EIF2AK4: variants seen among roughly 807,000 people sequenced by gnomAD.
EIF2AK4 encodes eukaryotic translation initiation factor 2 alpha kinase 4.
Under a neutral mutation model 211.1 loss-of-function variants are expected in EIF2AK4, and 139 were observed. The ratio of observed to expected loss-of-function variants is 0.66; its 90% CI spans 0.57 to 0.76. The LOEUF is 0.76. Among genes scored for constraint, EIF2AK4 ranks in the 30% least tolerant of loss-of-function variants. The pLI is 0.00. For synonymous variants in EIF2AK4, 710 were observed against 751.3 expected, an observed-to-expected ratio of 0.94 and a Z score of 0.90; for missense variants, 1,664 against 2,043.8, an observed-to-expected ratio of 0.81 and a Z score of 3.58.
At chr15:39,943,822 G>C (rs1208824096) in intron 3 of EIF2AK4, among the ~76,000 whole-genome samples, 1 of 152,088 alleles carries the variant, frequency 6.6e-6, no homozygotes, top group Non-Finnish European at 1.5e-5. Flanking sequence ...GGGTGTGGTG[G>C]TGTATGCCTA....
chr15:39,935,918 C>T (rs2034058287), intron 1 of EIF2AK4, among the ~76,000 whole-genome samples: 1 of 152,100 alleles, frequency 6.6e-6, no homozygotes, highest in Non-Finnish European at 1.5e-5. Flanking sequence ...CTTAACATGA[C>T]AGAGAAGTTG....
At chr15:40,025,875 A>T in intron 32 of EIF2AK4, 102 bp from the exon 33 acceptor site, 1 of 1,148,054 alleles carries the variant, frequency 8.7e-7, no homozygotes, top group Non-Finnish European at 1.2e-6. Flanking sequence ...GTTAAGAACC[A>T]CTGACCCAAA....
intron 11 of EIF2AK4, 146 bp from the exon 12 acceptor site, chr15:39,976,268 T>G: frequency 1.2e-6 from 1 of 806,644 alleles, no homozygotes; most frequent in Non-Finnish European, 1.8e-6. Context: ...TTTCTTCAGT[T>G]TAAGAATTTC....
chr15:39,984,003 T>C (rs2034830523), intron 13 of EIF2AK4, among the ~76,000 whole-genome samples: 1 of 152,254 alleles, frequency 6.6e-6, no homozygotes. Flanking sequence ...TTTAAGTCTT[T>C]AATCCATCTT....
At position 40,008,248 on chromosome 15, in the gene EIF2AK4, A is replaced by G. The variant is rs1312917155; in HGVS notation, c.3576+53A>G. ...GATTCCCCACTATATTTCTTCACCA[A>G]GTGTGGTGGGGAAAACCACAGCTAC... is the stretch of plus-strand genomic sequence containing the variant. On this transcript the variant is annotated intron_variant, in intron 25 of 38. Coordinates refer to ENST00000263791, the MANE Select transcript of EIF2AK4 (RefSeq NM_001013703.4). The G allele has an allele frequency of 4.0e-6, 6 of 1,488,732 alleles. No individual in the cohort carries two copies. The African/African-American group carries it at 4.2e-5, about 11-fold the overall frequency. The allele number at this position is 1,488,732 out of a possible 1,614,324, so 92.2% of individuals were successfully genotyped here.
chr15:39,961,454 A>G (rs1395609677), intron 6 of EIF2AK4, among the ~76,000 whole-genome samples: 1 of 152,248 alleles, frequency 6.6e-6, no homozygotes, highest in Non-Finnish European at 1.5e-5. Flanking sequence ...GAGTACTTAA[A>G]TGTGGCTACT....
chr15:39,949,532 T>C (rs1008082102), intron 4 of EIF2AK4, among the ~76,000 whole-genome samples: 7 of 152,136 alleles, frequency 4.6e-5, no homozygotes, highest in Admixed American at 1.3e-4. Context: ...CTGTGGTCTT[T>C]TGGAGCTTGT....
chr15:40,034,321 C>T lies in EIF2AK4; in HGVS notation c.4774-5C>T, dbSNP rs1159391520. 2 of 1,608,224 alleles carry T rather than the reference C, an allele frequency of 1.2e-6. No homozygotes were observed. The highest frequency in any genetic ancestry group is 2.2e-5 in the South Asian group (2 of 90,140). ...GTTGTTAAGTCTTATCTATTTTTTT[C>T]CTAGTGGGATGCTGATGAACAGGCA... On this transcript the variant is annotated splice_region_variant and splice_polypyrimidine_tract_variant and intron_variant, in intron 37 of 38. Coordinates refer to ENST00000263791, the MANE Select transcript of EIF2AK4 (RefSeq NM_001013703.4).
At position 39,987,997 on chromosome 15, in the gene EIF2AK4, G is replaced by A; in HGVS notation, c.2418G>A (p.Glu806=). The change falls in exon 15 of 39, where the codon GAG becomes GAA. Residue 806 remains glutamate, a synonymous_variant. Transcript: ENST00000263791. ...HYLYIQMEYC[E]KSTLRDTIDQ... ...TCTGTATATAGATGGAGTACTGTGAGAAGAGCACTTTACGAGACACCATTG... is the reference window on the plus strand; with the variant it reads ...TCTGTATATAGATGGAGTACTGTGAAAAGAGCACTTTACGAGACACCATTG... The A allele has an allele frequency of 1.2e-6, 2 of 1,614,194 alleles. No homozygotes were observed. Among genetic ancestry groups the A allele is most frequent in the Non-Finnish European group, 8.5e-7 (1 of 1,180,020 alleles).
At position 40,003,275 on chromosome 15, in the gene EIF2AK4, C is replaced by T; in HGVS notation, c.3318C>T (p.Asp1106=). ...YEHNEAALFM[D]HSGMLVMLPF... ...ACAACGAAGCTGCCCTATTCATGGA[C>T]CACAGCGGGATGCTGGTGATGCTTC... Residue 1106 remains aspartate (D), a synonymous_variant, in exon 23 of 39, where the codon GAC becomes GAT. Coordinates refer to ENST00000263791, the MANE Select transcript of EIF2AK4 (RefSeq NM_001013703.4). 1 of 1,614,204 alleles carries T rather than the reference C, an allele frequency of 6.2e-7. No homozygotes were observed. The highest frequency in any genetic ancestry group is 8.5e-7 in the Non-Finnish European group (1 of 1,180,030).
chr15:40,016,447 A>G, intron 27 of EIF2AK4, 55 bp from the exon 28 acceptor site: 1 of 1,608,268 alleles, frequency 6.2e-7, no homozygotes, highest in Middle Eastern at 1.7e-4. Context: ...GTCGGTGCAA[A>G]GGGAGTCTTC....
chr15:39,982,231 T>C (rs528280366), intron 13 of EIF2AK4, among the ~76,000 whole-genome samples: 36 of 152,304 alleles, frequency 2.4e-4, no homozygotes, highest in Admixed American at 7.8e-4. Flanking sequence ...GCCATCACTT[T>C]TAAATTGTTT....
At chr15:40,032,013 A>C (rs963778014) in intron 35 of EIF2AK4, among the ~76,000 whole-genome samples, 156 bp from the exon 36 acceptor site, 1 of 152,256 alleles carries the variant, frequency 6.6e-6, no homozygotes, top group Admixed American at 6.5e-5. Context: ...GGCATGAGCC[A>C]TCGTACCCAG....
chr15:39,954,377 C>T (rs902773707), intron 5 of EIF2AK4, among the ~76,000 whole-genome samples: 9 of 152,170 alleles, frequency 5.9e-5, no homozygotes, highest in South Asian at 2.1e-4. Context: ...CTCAGCCTCC[C>T]GAGTATCTGG....
intron 7 of EIF2AK4, among the ~76,000 whole-genome samples, chr15:39,963,349 C>A (rs1191592063): frequency 6.6e-6 from 1 of 152,172 alleles, no homozygotes; most frequent in Non-Finnish European, 1.5e-5. Flanking sequence ...ATTCTTATTA[C>A]CTTAACTTAG....
intron 18 of EIF2AK4, among the ~76,000 whole-genome samples, chr15:39,993,131 C>CCTGTCCAT (rs1369945496): frequency 6.1e-5 from 9 of 147,364 alleles, no homozygotes; most frequent in Admixed American, 6.1e-4. Context: ...CATCCATCCA[C>CCTGTCCAT]CCACCCATCC....
chr15:39,988,164 T>TA (rs1451821684), intron 15 of EIF2AK4, 59 bp downstream of exon 15: 16 of 1,579,292 alleles, frequency 1.0e-5, no homozygotes, highest in Non-Finnish European at 1.4e-5. Flanking sequence ...TATGACTGCA[T>TA]AAAAATATCA....
At chr15:39,941,297 T>C (rs1385305953) in intron 2 of EIF2AK4, among the ~76,000 whole-genome samples, 1 of 152,208 alleles carries the variant, frequency 6.6e-6, no homozygotes, top group Non-Finnish European at 1.5e-5. Context: ...GGCTTGGTTT[T>C]TCTGGTGACC....
intron 16 of EIF2AK4, 58 bp from the exon 17 acceptor site, chr15:39,992,117 C>A: frequency 7.0e-7 from 1 of 1,426,138 alleles, no homozygotes; most frequent in Non-Finnish European, 9.7e-7. Flanking sequence ...ACAGACAAGC[C>A]ATTCTCATGG....
Sources: gnomAD v4.1 joint callset for allele counts (sites outside exome capture counted in the v4.1 genomes callset) on GRCh38, gnomAD v4.1.1 for gene constraint, MANE v1.5 for transcripts, NCBI Gene and HGNC (gene_info 2026-07-23, HGNC 2026-07-21) for gene names.